The following CHAF1B variants were observed in gnomAD, a reference collection of about 807,000 sequenced individuals.
The protein encoded by CHAF1B is chromatin assembly factor 1 subunit B, also known as CAF-1 subunit B.
A neutral mutation model predicts 60.7 loss-of-function variants in CHAF1B; 10 were observed. The observed-to-expected ratio is 0.16, with a 90% CI of 0.10 to 0.28. The LOEUF (loss-of-function observed/expected upper bound fraction) is 0.28, where lower values mean the gene tolerates loss of function less well. CHAF1B is among the 10% of genes least tolerant of loss of function. CHAF1B has a pLI of 1.00. For synonymous variants in CHAF1B, 261 were observed against 266.1 expected, an observed-to-expected ratio of 0.98 and a Z score of 0.19; for missense variants, 558 against 708.4, an observed-to-expected ratio of 0.79 and a Z score of 2.41.
chr21:36,390,333 C>CAAAAAAAAAA, intron 3 of CHAF1B, among the ~76,000 whole-genome samples: 1 of 81,922 alleles, frequency 1.2e-5, no homozygotes, highest in African/African-American at 4.0e-5. Flanking sequence ...AACACCATCT[C>CAAAAAAAAAA]AAAAAAAAAA....
chr21:36,394,303 C>T (rs1260363743), intron 4 of CHAF1B, among the ~76,000 whole-genome samples: 1 of 151,960 alleles, frequency 6.6e-6, no homozygotes, highest in African/African-American at 2.4e-5. Context: ...TCTCGATCTC[C>T]CGACCTTGTG....
chr21:36,403,455 T>TAA lies in CHAF1B; in HGVS notation c.757+628_757+629dup, dbSNP rs71326686. Among the ~76,000 whole-genome samples the TAA allele has an allele frequency of 2.3e-3, 175 of 77,442 alleles. 3 individuals are homozygous for TAA. Among genetic ancestry groups the TAA allele is most frequent in the Non-Finnish European group, 3.8e-3 (147 of 39,164 alleles). The allele number at this position is 77,442 out of a possible 152,430, so 50.8% of individuals were successfully genotyped here. On this transcript the variant is annotated intron_variant, in intron 8 of 13. Transcript: ENST00000314103. ...CTGGGCGACAGAGTGATATCTTATC[T>TAA]AAAAAAAAAAAAAAAAAAAAAAAAA... is the stretch of plus-strand genomic sequence containing the variant.
intron 2 of CHAF1B, among the ~76,000 whole-genome samples, chr21:36,387,227 T>TTG (rs1000828912): frequency 2.7e-5 from 4 of 149,984 alleles, no homozygotes; most frequent in East Asian, 1.9e-4. Context: ...TAGTTTTGTT[T>TTG]TTTTTTTTTT....
rs1382609529 is a variant in CHAF1B, at chr21:36,402,771, G to A, written c.677G>A (p.Arg226Gln). Residue 226 changes from arginine (R) to glutamine (Q), a missense_variant, in exon 8 of 14, where the codon CGG (arginine) becomes CAG (glutamine). By Grantham distance (43) the Arg-to-Gln change is conservative (BLOSUM62 1). Transcript: ENST00000314103. ...IGAEGEARSY[R>Q]MFHDDSMKSF... Reference sequence around the variant, plus strand: ...TGTGTGCGACAGGCAAGAAGCTACCGGATGTTTCACGACGACAGCATGAAG... The same window carrying A: ...TGTGTGCGACAGGCAAGAAGCTACCAGATGTTTCACGACGACAGCATGAAG... 2 of 1,613,318 alleles carry A rather than the reference G, an allele frequency of 1.2e-6. No individual in the cohort carries two copies.
At position 36,416,690 on chromosome 21, in the gene CHAF1B, C is replaced by A; in HGVS notation, c.*324C>A. 4.7e-6 allele frequency: 1 copy of A among 210,924 alleles called. No individual in the cohort carries two copies. Among genetic ancestry groups the A allele is most frequent in the Non-Finnish European group, 9.4e-6 (1 of 106,344 alleles). The allele number at this position is 210,924 out of a possible 1,614,324, so 13.1% of individuals were successfully genotyped here. On this transcript the variant is annotated 3_prime_UTR_variant, in exon 14 of 14. Coordinates refer to ENST00000314103, the MANE Select transcript of CHAF1B (RefSeq NM_005441.3). ...CATCCTCGTGAAAGTGCACACACTTCATGGAGGGACTCCTTTTCAATAAGA... is the reference window on the plus strand; with the variant it reads ...CATCCTCGTGAAAGTGCACACACTTAATGGAGGGACTCCTTTTCAATAAGA...
At chr21:36,399,395 C>T in intron 6 of CHAF1B, 126 bp from the exon 7 acceptor site, 1 of 747,232 alleles carries the variant, frequency 1.3e-6, no homozygotes, top group Non-Finnish European at 2.3e-6. Context: ...TTGTGAATAT[C>T]ATTGGTAAAA....
chr21:36,393,810 G>A (rs1254935486), intron 4 of CHAF1B, among the ~76,000 whole-genome samples: 3 of 152,052 alleles, frequency 2.0e-5, no homozygotes, highest in African/African-American at 7.2e-5. Flanking sequence ...TAGTGCCAGT[G>A]GAAATTTTGG....
chr21:36,418,378 C>T lies in CHAF1B; in HGVS notation c.*2012C>T, dbSNP rs1381413503. 8 of 152,190 alleles carry T rather than the reference C, an allele frequency of 5.3e-5. No individual in the cohort carries two copies. The allele number at this position is 152,190 out of a possible 1,614,324, so 9.4% of individuals were successfully genotyped here. A position where few individuals can be genotyped will look rare whatever the true frequency, so the allele number is the denominator to read the frequency against. On this transcript the variant is annotated 3_prime_UTR_variant, in exon 14 of 14. Coordinates refer to ENST00000314103, the MANE Select transcript of CHAF1B (RefSeq NM_005441.3). ...CATCCTCCTTTGCTGGGGCCGCGGA[C>T]TGAAGGACAGTATGCAGGAGGTGCC...
At chr21:36,396,938 TCTC>T (rs1256836335) in intron 5 of CHAF1B, among the ~76,000 whole-genome samples, 2 of 152,096 alleles carry the variant, frequency 1.3e-5, no homozygotes, top group African/African-American at 4.8e-5. Flanking sequence ...CTGTAATACT[TCTC>T]CTTTCCTCCT....
At chr21:36,410,895 A>T (rs561686872) in intron 10 of CHAF1B, among the ~76,000 whole-genome samples, 1 of 152,176 alleles carries the variant, frequency 6.6e-6, no homozygotes, top group South Asian at 2.1e-4. Context: ...TCCTGACCTC[A>T]GGTGATCTGC....
Position 36,413,253 on chromosome 21 carries a change from A to T in CHAF1B, c.1431A>T (p.Lys477Asn), listed in dbSNP as rs775417400. 5 of 1,613,702 alleles carry T rather than the reference A, an allele frequency of 3.1e-6. No individual in the cohort carries two copies. In the Admixed American group the frequency reaches 8.3e-5, roughly 27 times the overall value. Residue 477 changes from lysine to asparagine, a missense_variant, in exon 12 of 14, where the codon AAA (lysine) becomes AAT (asparagine). By Grantham distance (94) the Lys-to-Asn change is moderately conservative (BLOSUM62 0). This residue lies in a region of CHAF1B where 233 missense variants were observed against 214.9 expected (regional missense o/e 1.08). Coordinates refer to ENST00000314103, the MANE Select transcript of CHAF1B (RefSeq NM_005441.3). ...KTLQPSSQNTKAHPSRRVTLN... is the reference protein window; with the variant it reads ...KTLQPSSQNTNAHPSRRVTLN... Reference sequence around the variant, plus strand: ...TGCAGCCCAGTAGTCAAAACACAAAAGCCCACCCATCCCGGAGGGTCACTC... The same window carrying T: ...TGCAGCCCAGTAGTCAAAACACAAATGCCCACCCATCCCGGAGGGTCACTC...
Position 36,413,240 on chromosome 21 carries a change from G to T in CHAF1B, c.1418G>T (p.Ser473Ile), listed in dbSNP as rs185949588. 1 of 1,611,768 alleles carries T rather than the reference G, an allele frequency of 6.2e-7. No individual in the cohort carries two copies. The highest frequency in any genetic ancestry group is 2.2e-5 in the East Asian group (1 of 44,884). Reference sequence around the variant, plus strand: ...GAGGAGAAGACCCTGCAGCCCAGTAGTCAAAACACAAAAGCCCACCCATCC... The same window carrying T: ...GAGGAGAAGACCCTGCAGCCCAGTATTCAAAACACAAAAGCCCACCCATCC... Reference protein sequence around the residue: ...PSEEKTLQPSSQNTKAHPSRR... With the variant: ...PSEEKTLQPSIQNTKAHPSRR... Residue 473 changes from serine to isoleucine, a missense_variant, in exon 12 of 14, where the codon AGT becomes ATT. Ser to Ile is a moderately radical substitution (Grantham distance 142, BLOSUM62 -2). This residue lies in a region of CHAF1B where 233 missense variants were observed against 214.9 expected (regional missense o/e 1.08). Coordinates refer to ENST00000314103, the MANE Select transcript of CHAF1B (RefSeq NM_005441.3).
At chr21:36,415,874 T>A (rs1358262324) in intron 13 of CHAF1B, 1 of 342,892 alleles carries the variant, frequency 2.9e-6, no homozygotes, top group African/African-American at 2.2e-5. Flanking sequence ...TGCCTCGGCC[T>A]CCCGAGTAGC....
chr21:36,396,842 T>C (rs1395549246), intron 5 of CHAF1B, among the ~76,000 whole-genome samples: 1 of 152,136 alleles, frequency 6.6e-6, no homozygotes, highest in Admixed American at 6.6e-5. Flanking sequence ...GTGACCCTCT[T>C]TGTCATCTTC....
At position 36,399,602 on chromosome 21, in the gene CHAF1B, A is replaced by C. The variant is rs758033735; in HGVS notation, c.660A>C (p.Gly220=). The change falls in exon 7 of 14, where the codon GGA becomes GGC. Residue 220 remains glycine, a synonymous_variant. Transcript: ENST00000314103. ...TGCTGTCTGGAATAGGGGCTGAAGG[A>C]GAGGTATAAAATATTTTGCCATTCT... The part of the protein sequence containing the change: ...SKMLSGIGAE[G]EARSYRMFHD... 9.9e-6 allele frequency: 16 copies of C among 1,613,530 alleles called. No individual in the cohort carries two copies. The highest frequency in any genetic ancestry group is 1.3e-5 in the African/African-American group (1 of 74,918).
intron 12 of CHAF1B, among the ~76,000 whole-genome samples, chr21:36,414,332 C>T (rs1239787632): frequency 1.3e-5 from 2 of 152,230 alleles, no homozygotes; most frequent in Admixed American, 1.3e-4. Flanking sequence ...CTCTCAGCCT[C>T]TCCTGCGCCA....
chr21:36,412,761 G>A (rs1368946345), intron 11 of CHAF1B, 123 bp from the exon 12 acceptor site: 3 of 865,224 alleles, frequency 3.5e-6, no homozygotes, highest in African/African-American at 3.4e-5. Context: ...CTCTTTTCCA[G>A]TTGTATCTTT....
intron 2 of CHAF1B, among the ~76,000 whole-genome samples, chr21:36,386,888 A>G (rs2086039511): frequency 6.6e-6 from 1 of 151,944 alleles, no homozygotes; most frequent in Non-Finnish European, 1.5e-5. Context: ...TAATTTTTGT[A>G]TTTTTAGTAG....
At chr21:36,408,243 G>C (rs553010808) in intron 8 of CHAF1B, among the ~76,000 whole-genome samples, 1 of 152,184 alleles carries the variant, frequency 6.6e-6, no homozygotes, top group African/African-American at 2.4e-5. Context: ...CTGTTCCCCA[G>C]AGTGAAGTCA....
Sources: gnomAD v4.1 joint callset for allele counts (sites outside exome capture counted in the v4.1 genomes callset) on GRCh38, gnomAD v4.1.1 for gene constraint, gnomAD v4.1.1 regional missense constraint, MANE v1.5 for transcripts, NCBI Gene and HGNC (gene_info 2026-07-23, HGNC 2026-07-21) for gene names.